THSD7B: variants seen among roughly 807,000 people sequenced by gnomAD.
The protein encoded by THSD7B is thrombospondin type 1 domain containing 7B.
Under a neutral mutation model 213.6 loss-of-function variants are expected in THSD7B, and 138 were observed. The ratio of observed to expected loss-of-function variants is 0.65; its 90% CI spans 0.56 to 0.74. The LOEUF (loss-of-function observed/expected upper bound fraction) is 0.74, where lower values mean the gene tolerates loss of function less well. THSD7B is among the 30% of genes least tolerant of loss of function. THSD7B has a pLI of 0.00. For missense variants in THSD7B, 1,931 were observed against 1,991.5 expected, an observed-to-expected ratio of 0.97 and a Z score of 0.58; for synonymous variants, 742 against 687.0, an observed-to-expected ratio of 1.08 and a Z score of -1.25.
At chr2:136,796,776 G>A (rs1682073235) in intron 1 of THSD7B, among the ~76,000 whole-genome samples, 1 of 151,872 alleles carries the variant, frequency 6.6e-6, no homozygotes, top group Admixed American at 6.6e-5. Flanking sequence ...TTCTGTGAAG[G>A]CTGAAGTCAT....
At chr2:137,629,793 TTCTAAGGG>T (rs776232020) in intron 20 of THSD7B, among the ~76,000 whole-genome samples, 7 of 152,142 alleles carry the variant, frequency 4.6e-5, no homozygotes, top group Non-Finnish European at 1.0e-4. Flanking sequence ...TCTGGCTAGT[TTCTAAGGG>T]TCTAGTAGGA....
chr2:137,294,050 C>T (rs1683398992), intron 12 of THSD7B, among the ~76,000 whole-genome samples: 1 of 152,164 alleles, frequency 6.6e-6, no homozygotes, highest in Non-Finnish European at 1.5e-5. Flanking sequence ...TCTGCTTTGA[C>T]CAAAGTCTTC....
chr2:137,394,477 T>C lies in THSD7B; in HGVS notation c.2501-11136T>C, dbSNP rs1299975544. Among the ~76,000 whole-genome samples the C allele has an allele frequency of 2.2e-5, 3 of 138,358 alleles. 1 individual carries two copies. The highest frequency in any genetic ancestry group is 3.2e-5 in the Non-Finnish European group (2 of 62,618). The allele number at this position is 138,358 out of a possible 152,430, so 90.8% of individuals were successfully genotyped here. A position where few individuals can be genotyped will look rare whatever the true frequency, so the allele number is the denominator to read the frequency against. On this transcript the variant is annotated intron_variant, in intron 12 of 27. Coordinates refer to ENST00000409968, the MANE Select transcript of THSD7B (RefSeq NM_001316349.2). ...GTCAAAGATCTGATAGTTGTAGATA[T>C]GCGGCGTTATTTCTGAGGGCTGTGT...
At chr2:136,818,703 C>T (rs994096573) in intron 1 of THSD7B, among the ~76,000 whole-genome samples, 5 of 152,082 alleles carry the variant, frequency 3.3e-5, no homozygotes, top group Non-Finnish European at 7.3e-5. Context: ...AGTTCTTCAG[C>T]CTCTATGTGA....
chr2:136,978,429 T>C (rs147504122), intron 2 of THSD7B, among the ~76,000 whole-genome samples: 1 of 152,216 alleles, frequency 6.6e-6, no homozygotes, highest in Non-Finnish European at 1.5e-5. Flanking sequence ...AGTCTCAGTC[T>C]CTTCGTAGGT....
chr2:136,823,190 A>C (rs1226490101), intron 1 of THSD7B, among the ~76,000 whole-genome samples: 1 of 152,180 alleles, frequency 6.6e-6, no homozygotes, highest in Non-Finnish European at 1.5e-5. Context: ...TCAAAGATAA[A>C]GGCAAGGAGA....
intron 2 of THSD7B, among the ~76,000 whole-genome samples, chr2:136,922,528 T>G (rs1315618177): frequency 6.6e-6 from 1 of 152,234 alleles, no homozygotes; most frequent in Admixed American, 6.5e-5. Context: ...GAAATTGTAC[T>G]TAGAAAATGC....
intron 12 of THSD7B, among the ~76,000 whole-genome samples, chr2:137,285,988 C>T (rs571505673): frequency 6.6e-6 from 1 of 151,382 alleles, no homozygotes; most frequent in Admixed American, 6.6e-5. Flanking sequence ...CCGGTAATCC[C>T]AACTACTCGG....
At chr2:137,369,466 G>A (rs1249133180) in intron 12 of THSD7B, among the ~76,000 whole-genome samples, 1 of 152,120 alleles carries the variant, frequency 6.6e-6, no homozygotes, top group African/African-American at 2.4e-5. Flanking sequence ...AAATCAAAGG[G>A]ATACAGAAAT....
intron 15 of THSD7B, among the ~76,000 whole-genome samples, chr2:137,510,626 T>C (rs1302310710): frequency 6.6e-6 from 1 of 152,180 alleles, no homozygotes; most frequent in African/African-American, 2.4e-5. Context: ...AGGACTTCTT[T>C]TAGTATGCTT....
At chr2:136,979,320 G>C (rs1685536855) in intron 2 of THSD7B, among the ~76,000 whole-genome samples, 1 of 151,972 alleles carries the variant, frequency 6.6e-6, no homozygotes, top group South Asian at 2.1e-4. Context: ...TGGATTTCCT[G>C]AATGTGAACA....
At chr2:137,020,933 G>A (rs1343886384) in intron 2 of THSD7B, among the ~76,000 whole-genome samples, 3 of 152,180 alleles carry the variant, frequency 2.0e-5, no homozygotes, top group Admixed American at 6.5e-5. Context: ...AGGAGGAAGT[G>A]TATGTCTTAT....
chr2:137,115,426 G>T (rs564576256), intron 5 of THSD7B, 133 bp downstream of exon 5: 2 of 984,136 alleles, frequency 2.0e-6, no homozygotes, highest in Non-Finnish European at 1.4e-6. Context: ...TTGACCATTT[G>T]TATGCCGCCC....
chr2:136,854,275 T>A (rs1237022439), intron 1 of THSD7B, among the ~76,000 whole-genome samples: 1 of 82 alleles, frequency 0.012, no homozygotes, highest in East Asian at 0.5. Context: ...TCTATATGCA[T>A]GTATTTTTGT....
chr2:137,593,898 T>C (rs1681910372), intron 17 of THSD7B, among the ~76,000 whole-genome samples: 1 of 151,896 alleles, frequency 6.6e-6, no homozygotes, highest in African/African-American at 2.4e-5. Context: ...GTTCTATGAG[T>C]TGAGTGTTCA....
intron 5 of THSD7B, among the ~76,000 whole-genome samples, chr2:137,140,502 C>T (rs988846): frequency 0.68 from 102,945 of 151,928 alleles, 36,632 homozygotes; most frequent in Non-Finnish European, 0.78. Context: ...CCAAAATTTC[C>T]TCCAAAAATT....
intron 2 of THSD7B, among the ~76,000 whole-genome samples, chr2:136,942,614 T>G (rs568522463): frequency 6.6e-6 from 1 of 152,186 alleles, no homozygotes; most frequent in Admixed American, 6.5e-5. Flanking sequence ...TTGTAGCAAT[T>G]GTGAATGGGA....
At chr2:137,340,601 C>T (rs1429533296) in intron 12 of THSD7B, among the ~76,000 whole-genome samples, 1 of 151,814 alleles carries the variant, frequency 6.6e-6, no homozygotes, top group Non-Finnish European at 1.5e-5. Flanking sequence ...ACCCCTGCCT[C>T]CATAATTGCC....
At chr2:136,807,290 C>A (rs77090495) in intron 1 of THSD7B, among the ~76,000 whole-genome samples, 4,893 of 152,162 alleles carry the variant, frequency 0.032, 159 homozygotes, top group East Asian at 0.17. Flanking sequence ...TTCTTCCCTT[C>A]ATTTATTTAT....
Sources: allele counts gnomAD v4.1 joint callset (sites outside exome capture counted in the v4.1 genomes callset), GRCh38; gene constraint gnomAD v4.1.1; transcripts MANE v1.5; gene names NCBI Gene and HGNC (gene_info 2026-07-23, HGNC 2026-07-21).